Variants in DRC5 observed in about 807,000 individuals in gnomAD.
DRC5 encodes dynein regulatory complex subunit 5.
the DRC5 span, chr6:44,279,941 G>A: frequency 7.6e-6 from 3 of 397,076 alleles, no homozygotes; most frequent in Non-Finnish European, 1.3e-5. Context: ...TCATTTGTGG[G>A]TGTCCAGTAA....
chr6:44,288,993 CAAAAAAAAAAAAAAA>C, the DRC5 span, among the ~76,000 whole-genome samples: 22 of 32,830 alleles, frequency 6.7e-4, no homozygotes, highest in African/African-American at 3.1e-3. Context: ...GACTCTGTCT[CAAAAAAAAAAAAAAA>C]AAAAAAAAAA....
At chr6:44,286,275 C>T in the DRC5 span, 1 of 1,612,848 alleles carries the variant, frequency 6.2e-7, no homozygotes, top group Non-Finnish European at 8.5e-7. Flanking sequence ...GGCAGCAGGT[C>T]GAGGATCACC....
the DRC5 span, among the ~76,000 whole-genome samples, chr6:44,289,628 T>C: frequency 6.6e-6 from 1 of 152,096 alleles, no homozygotes; most frequent in South Asian, 2.1e-4. Context: ...TTCCCTTCCA[T>C]CTCCCCATCC....
chr6:44,296,938 C>CTGGGTGAAA, the DRC5 span, among the ~76,000 whole-genome samples: 6 of 148,300 alleles, frequency 4.0e-5, no homozygotes, highest in African/African-American at 7.5e-5. Flanking sequence ...TGAGCCTCGG[C>CTGGGTGAAA]CCGTGTGCTT....
At chr6:44,279,334 C>T in the DRC5 span, 1 of 152,572 alleles carries the variant, frequency 6.6e-6, no homozygotes, top group Non-Finnish European at 1.5e-5. Flanking sequence ...GGGGAGAAGA[C>T]AGGTCTCTGT....
chr6:44,284,316 C>T, the DRC5 span, among the ~76,000 whole-genome samples: 1 of 152,152 alleles, frequency 6.6e-6, no homozygotes, highest in East Asian at 1.9e-4. Context: ...TGCCATGTTT[C>T]CCCATTTCCT....
the DRC5 span, among the ~76,000 whole-genome samples, chr6:44,289,778 C>T: frequency 1.1e-3 from 168 of 152,350 alleles, 2 homozygotes; most frequent in Middle Eastern, 0.01. Flanking sequence ...CCCCATTTGC[C>T]CATTCCTGCA....
At chr6:44,295,886 T>G in the DRC5 span, among the ~76,000 whole-genome samples, 1 of 152,182 alleles carries the variant, frequency 6.6e-6, no homozygotes, top group Non-Finnish European at 1.5e-5. Flanking sequence ...ATAGGATTAC[T>G]CAGAAGATTA....
the DRC5 span, among the ~76,000 whole-genome samples, chr6:44,285,536 C>T: frequency 6.6e-6 from 1 of 152,156 alleles, no homozygotes; most frequent in South Asian, 2.1e-4. Flanking sequence ...AGACTACAAG[C>T]GTGCCTGGAC....
the DRC5 span, chr6:44,286,015 G>A: frequency 1.2e-6 from 2 of 1,614,118 alleles, no homozygotes; most frequent in Middle Eastern, 3.3e-4. Flanking sequence ...GGCAGTCACG[G>A]TAGGTGAAGA....
At chr6:44,295,324 G>C in the DRC5 span, among the ~76,000 whole-genome samples, 1 of 152,106 alleles carries the variant, frequency 6.6e-6, no homozygotes, top group African/African-American at 2.4e-5. Context: ...CACGTGCAGT[G>C]GACTTTCACT....
the DRC5 span, among the ~76,000 whole-genome samples, chr6:44,291,092 C>T: frequency 6.6e-6 from 1 of 152,238 alleles, no homozygotes; most frequent in Non-Finnish European, 1.5e-5. Context: ...CAGGGCCTCG[C>T]TCCATATCAC....
At chr6:44,295,134 G>C in the DRC5 span, among the ~76,000 whole-genome samples, 136,509 of 152,226 alleles carry the variant, frequency 0.9, 62,168 homozygotes, top group East Asian at 1. Flanking sequence ...GTCAGAGAAT[G>C]CCAGAGTTTG....
chr6:44,294,745 C>G, the DRC5 span, among the ~76,000 whole-genome samples: 1 of 119,812 alleles, frequency 8.3e-6, no homozygotes, highest in East Asian at 2.8e-4. Context: ...ACACTCCAGC[C>G]TGGGCAATGA....
chr6:44,279,815 T>C, the DRC5 span: 1 of 212,358 alleles, frequency 4.7e-6, no homozygotes, highest in African/African-American at 2.3e-5. Flanking sequence ...CAAGGATCTG[T>C]TTGGTAGAGA....
At chr6:44,291,096 A>C in the DRC5 span, among the ~76,000 whole-genome samples, 1 of 152,256 alleles carries the variant, frequency 6.6e-6, no homozygotes, top group East Asian at 1.9e-4. Flanking sequence ...GCCTCGCTCC[A>C]TATCACATGG....
chr6:44,286,133 T>C, the DRC5 span: 2 of 1,613,898 alleles, frequency 1.2e-6, no homozygotes, highest in Non-Finnish European at 1.7e-6. Flanking sequence ...TTGGTAGTGG[T>C]CAACGGTGGG....
At chr6:44,289,666 C>G in the DRC5 span, among the ~76,000 whole-genome samples, 1 of 152,316 alleles carries the variant, frequency 6.6e-6, no homozygotes, top group East Asian at 1.9e-4. Flanking sequence ...CCCAGCCTCC[C>G]AGCATTCCAG....
chr6:44,286,060 C>G, the DRC5 span: 2 of 1,614,056 alleles, frequency 1.2e-6, no homozygotes, highest in African/African-American at 2.7e-5. Context: ...TGCCGCAGTC[C>G]TTGACATCGT....
Sources: gnomAD v4.1 joint callset for allele counts (sites outside exome capture counted in the v4.1 genomes callset) on GRCh38, gnomAD v4.1.1 for gene constraint, MANE v1.5 for transcripts, NCBI Gene and HGNC (gene_info 2026-07-23, HGNC 2026-07-21) for gene names.